Variants in DCN observed in about 807,000 individuals in gnomAD.
DCN encodes bone proteoglycan II.
A neutral mutation model predicts 36.5 loss-of-function variants in DCN; 17 were observed. The ratio of observed to expected loss-of-function variants is 0.47; its 90% CI spans 0.32 to 0.70. DCN has a LOEUF of 0.70. DCN is among the 30% of genes least tolerant of loss of function. The pLI is 0.04. For synonymous variants in DCN, 163 were observed against 161.4 expected, an observed-to-expected ratio of 1.01 and a Z score of -0.07; for missense variants, 389 against 430.1, an observed-to-expected ratio of 0.90 and a Z score of 0.84.
intron 7 of DCN, among the ~76,000 whole-genome samples, chr12:91,149,614 G>C (rs906580558): frequency 1.3e-5 from 2 of 152,140 alleles, no homozygotes; most frequent in African/African-American, 4.8e-5. Context: ...GGTGGGTTGT[G>C]GGGGAGGGGG....
At chr12:91,165,966 G>A (rs1882541192) in intron 2 of DCN, among the ~76,000 whole-genome samples, 2 of 152,036 alleles carry the variant, frequency 1.3e-5, no homozygotes, top group African/African-American at 4.8e-5. Context: ...TATAATAACC[G>A]CTATGTCGAG....
intron 2 of DCN, chr12:91,177,816 T>G (rs1883387075): frequency 1.6e-6 from 1 of 641,796 alleles, no homozygotes; most frequent in African/African-American, 1.8e-5. Flanking sequence ...TAAGGGAGTA[T>G]TTTGATACTT....
intron 3 of DCN, among the ~76,000 whole-genome samples, chr12:91,162,913 T>A (rs911374414): frequency 6.6e-6 from 1 of 152,184 alleles, no homozygotes; most frequent in Non-Finnish European, 1.5e-5. Context: ...CCACGGTGCC[T>A]ATGAGACCTA....
intron 3 of DCN, among the ~76,000 whole-genome samples, chr12:91,161,291 CACTT>C (rs1328345762): frequency 1.3e-5 from 2 of 152,096 alleles, no homozygotes; most frequent in African/African-American, 4.8e-5. Context: ...CACTAGATGT[CACTT>C]ACTTAAGGAT....
intron 4 of DCN, among the ~76,000 whole-genome samples, chr12:91,157,457 A>C (rs1881862829): frequency 1.3e-5 from 2 of 152,148 alleles, no homozygotes; most frequent in Non-Finnish European, 2.9e-5. Context: ...ATACCAATAA[A>C]ATTATTTAAG....
Position 91,167,123 on chromosome 12 carries a change from T to A in DCN, c.212-2406A>T, listed in dbSNP as rs3138210. 3.0e-3 allele frequency among the ~76,000 whole-genome samples: 457 copies of A among 152,074 alleles called. 2 individuals are homozygous for A. The highest frequency in any genetic ancestry group is 0.01 in the African/African-American group (434 of 41,506). On this transcript the variant is annotated intron_variant, in intron 2 of 7. Coordinates refer to ENST00000052754, the MANE Select transcript of DCN (RefSeq NM_001920.5). ...CAACTCTCCTGGCTTCCAGCATGAC[T>A]TTTTTTTCTGGCATACCTATCTGTA... is the stretch of plus-strand genomic sequence containing the variant.
At chr12:91,172,915 G>T (rs2121298439) in intron 2 of DCN, 3 of 571,122 alleles carry the variant, frequency 5.3e-6, no homozygotes, top group Non-Finnish European at 9.2e-6. Context: ...AAAAGATATT[G>T]TATAATCACA....
chr12:91,148,745 AAAAAT>A (rs1424142199), intron 7 of DCN, among the ~76,000 whole-genome samples: 2 of 151,220 alleles, frequency 1.3e-5, no homozygotes, highest in African/African-American at 4.9e-5. Context: ...AAAAAAAAAA[AAAAAT>A]TTGAAATATT....
rs1212070956 is a variant in DCN at position 91,153,130 on chromosome 12, C to T, written c.712G>A (p.Ala238Thr). The T allele has an allele frequency of 1.2e-6, 2 of 1,609,510 alleles. No homozygotes were observed. Among genetic ancestry groups the T allele is most frequent in the African/African-American group, 2.7e-5 (2 of 74,800 alleles). ...LDGNKISRVD[A>T]ASLKGLNNLA... is the part of the protein sequence containing the mutation. ...TTATTCAGTCCTTTCAGGCTAGCTG[C>T]ATCAACTCTGCTGATTTTGTTGCCA... The change falls in exon 6 of 8, where the codon GCA becomes ACA. Residue 238 changes from alanine (A) to threonine (T), a missense_variant. By Grantham distance (58) the Ala-to-Thr change is moderately conservative. Coordinates refer to ENST00000052754, the MANE Select transcript of DCN (RefSeq NM_001920.5).
intron 7 of DCN, chr12:91,150,729 T>C (rs1472659218): frequency 6.6e-6 from 1 of 152,160 alleles, no homozygotes; most frequent in Non-Finnish European, 1.5e-5. Context: ...GACCCAGCAA[T>C]CCCATTACTG....
chr12:91,158,643 T>A lies in DCN; in HGVS notation c.325-134A>T, dbSNP rs1485981311. 9.3e-5 allele frequency: 63 copies of A among 677,276 alleles called. No homozygotes were observed. In the South Asian group the frequency reaches 9.8e-4, roughly 11 times the overall value. The allele number at this position is 677,276 out of a possible 1,614,324, so 42.0% of individuals were successfully genotyped here. A position where few individuals can be genotyped will look rare whatever the true frequency, so the allele number is the denominator to read the frequency against. On this transcript the variant is annotated intron_variant, in intron 3 of 7. Coordinates refer to ENST00000052754, the MANE Select transcript of DCN (RefSeq NM_001920.5). ...AAAATTGCAAGAAATCAGAAAAAAATTAAGTAAGTATTATTTCTTTACTTA... is the reference window on the plus strand; with the variant it reads ...AAAATTGCAAGAAATCAGAAAAAAAATAAGTAAGTATTATTTCTTTACTTA...
intron 2 of DCN, among the ~76,000 whole-genome samples, chr12:91,171,525 T>G (rs1357179310): frequency 6.6e-6 from 1 of 152,190 alleles, no homozygotes; most frequent in Non-Finnish European, 1.5e-5. Context: ...TAGGAATCAA[T>G]AGCCTGAAAC....
chr12:91,163,122 A>G (rs896911702), intron 3 of DCN, among the ~76,000 whole-genome samples: 1 of 152,214 alleles, frequency 6.6e-6, no homozygotes, highest in African/African-American at 2.4e-5. Context: ...TTTTGATGGA[A>G]GACCACATCA....
intron 2 of DCN, chr12:91,172,753 C>T (rs995681358): frequency 1.4e-6 from 1 of 699,696 alleles, no homozygotes; most frequent in East Asian, 2.7e-5. Context: ...CCAAGCCATG[C>T]ATATGTTCGT....
chr12:91,145,899 C>A lies in DCN; in HGVS notation c.*159G>T, dbSNP rs777182296. The A allele has an allele frequency of 1.1e-5, 7 of 636,664 alleles. No homozygotes were observed. In the African/African-American group the frequency reaches 1.1e-4, roughly 10 times the overall value. 39.4% of individuals were successfully genotyped at this position (636,664 alleles called of 1,614,324 possible). The stretch of plus-strand genomic sequence containing the variant: ...AGGCAAAATTTCTTTTTATTGTAGG[C>A]AATTACTTAAACTGGAAATTTGGCT... On this transcript the variant is annotated 3_prime_UTR_variant, in exon 8 of 8. Transcript: ENST00000052754.
At chr12:91,154,016 A>T (rs1045090495) in intron 5 of DCN, among the ~76,000 whole-genome samples, 1 of 152,136 alleles carries the variant, frequency 6.6e-6, no homozygotes, top group African/African-American at 2.4e-5. Context: ...TCCACTTAAT[A>T]GCAATAGATA....
chr12:91,140,786 T>C lies in DCN; in HGVS notation c.*5272A>G, dbSNP rs1175637137. The C allele has an allele frequency of 1.3e-5, 2 of 152,210 alleles. No homozygotes were observed. The highest frequency in any genetic ancestry group is 2.9e-5 in the Non-Finnish European group (2 of 68,030). The allele number at this position is 152,210 out of a possible 1,614,324, so 9.4% of individuals were successfully genotyped here. On this transcript the variant is annotated 3_prime_UTR_variant, in exon 8 of 8. Coordinates refer to ENST00000052754, the MANE Select transcript of DCN (RefSeq NM_001920.5). Reference sequence around the variant, plus strand: ...AAAAGAACAGATTCAAAACCAGATATTTGATTCTCAGTTCTTCCAGCTCAA... The same window carrying C: ...AAAAGAACAGATTCAAAACCAGATACTTGATTCTCAGTTCTTCCAGCTCAA...
At position 91,151,509 on chromosome 12, in the gene DCN, T is replaced by A. The variant is rs530725007; in HGVS notation, c.885+145A>T. The A allele has an allele frequency of 7.1e-5, 59 of 829,446 alleles. 1 individual carries two copies. Among genetic ancestry groups the A allele is most frequent in the African/African-American group, 1.7e-4 (10 of 58,328 alleles). The allele number at this position is 829,446 out of a possible 1,614,324, so 51.4% of individuals were successfully genotyped here. On this transcript the variant is annotated intron_variant, in intron 7 of 7. Coordinates refer to ENST00000052754, the MANE Select transcript of DCN (RefSeq NM_001920.5). Reference sequence around the variant, plus strand: ...TTGTGCTTCATGATTTAATTTTTTTTATGGTATTTTGTCATAGAAATTCTA... The same window carrying A: ...TTGTGCTTCATGATTTAATTTTTTTAATGGTATTTTGTCATAGAAATTCTA...
rs921127899 is a variant in DCN at position 91,178,454 on chromosome 12, A to G, written c.99T>C (p.Ala33=). The G allele has an allele frequency of 9.9e-6, 16 of 1,613,820 alleles. No homozygotes were observed. The highest frequency in any genetic ancestry group is 1.4e-5 in the Non-Finnish European group (16 of 1,179,990). ...GLFDFMLEDE[A]SGIGPEVPDD... is the part of the protein sequence containing the mutation. ...CAGGAACTTCTGGGCCTATCCCAGA[A>G]GCCTCATCTTCTAGCATAAAGTCAA... is the stretch of plus-strand genomic sequence containing the variant. The change falls in exon 2 of 8, where the codon GCT becomes GCC. Residue 33 remains alanine (A), a synonymous_variant. Transcript: ENST00000052754.
Sources: gnomAD v4.1 joint callset for allele counts (sites outside exome capture counted in the v4.1 genomes callset) on GRCh38, gnomAD v4.1.1 for gene constraint, MANE v1.5 for transcripts, NCBI Gene and HGNC (gene_info 2026-07-23, HGNC 2026-07-21) for gene names.